The following STXBP5L variants were observed in gnomAD, a reference collection of about 807,000 sequenced individuals.
STXBP5L encodes the protein syntaxin binding protein 5L.
A neutral mutation model predicts 144.5 loss-of-function variants in STXBP5L; 65 were observed. The ratio of observed to expected loss-of-function variants is 0.45; its 90% CI spans 0.37 to 0.55. STXBP5L has a LOEUF of 0.55. STXBP5L is among the 20% of genes least tolerant of loss of function. STXBP5L has a pLI of 0.00. For synonymous variants in STXBP5L, 505 were observed against 469.6 expected (o/e 1.08, Z -0.97); for missense variants, 1,298 against 1,405.5 (o/e 0.92, Z 1.22).
chr3:121,395,618 G>A (rs1175494656), intron 22 of STXBP5L, among the ~76,000 whole-genome samples: 1 of 152,174 alleles, frequency 6.6e-6, no homozygotes, highest in African/African-American at 2.4e-5. Flanking sequence ...GCATCATAGA[G>A]TGATTACATC....
chr3:121,017,866 C>T (rs1576673580), intron 3 of STXBP5L, among the ~76,000 whole-genome samples: 1 of 152,124 alleles, frequency 6.6e-6, no homozygotes, highest in African/African-American at 2.4e-5. Context: ...TTCTTGAGGC[C>T]AGGAGTTCAA....
intron 22 of STXBP5L, among the ~76,000 whole-genome samples, chr3:121,386,338 T>G (rs2046425264): frequency 6.6e-6 from 1 of 152,174 alleles, no homozygotes; most frequent in East Asian, 1.9e-4. Context: ...TCTCAGTCAT[T>G]TTATTTAGGA....
chr3:121,075,236 C>T (rs1370737479), intron 5 of STXBP5L, among the ~76,000 whole-genome samples: 1 of 152,122 alleles, frequency 6.6e-6, no homozygotes, highest in Non-Finnish European at 1.5e-5. Context: ...ATTCATTCCT[C>T]CAGTGTCCCA....
intron 11 of STXBP5L, among the ~76,000 whole-genome samples, chr3:121,230,080 T>G (rs964268694): frequency 4.6e-5 from 7 of 152,208 alleles, no homozygotes; most frequent in African/African-American, 1.7e-4. Flanking sequence ...ACATAAAAAT[T>G]TATAGCTATT....
intron 14 of STXBP5L, among the ~76,000 whole-genome samples, chr3:121,248,930 C>G (rs2049945497): frequency 6.6e-6 from 1 of 151,954 alleles, no homozygotes; most frequent in African/African-American, 2.4e-5. Flanking sequence ...TTGTTTTTGT[C>G]AGCCTTGTCA....
chr3:121,150,065 AT>A (rs2045876293), intron 7 of STXBP5L, among the ~76,000 whole-genome samples: 1 of 151,916 alleles, frequency 6.6e-6, no homozygotes, highest in Admixed American at 6.6e-5. Flanking sequence ...CTACAGATAT[AT>A]TTTTTAGTTT....
At chr3:121,200,669 G>T (rs2048103641) in intron 9 of STXBP5L, among the ~76,000 whole-genome samples, 1 of 151,806 alleles carries the variant, frequency 6.6e-6, no homozygotes, top group Non-Finnish European at 1.5e-5. Flanking sequence ...AGAGATTCTG[G>T]GTTCGTTGTC....
intron 5 of STXBP5L, among the ~76,000 whole-genome samples, chr3:121,084,660 A>G (rs1042607917): frequency 2.6e-5 from 4 of 152,184 alleles, no homozygotes; most frequent in East Asian, 3.8e-4. Context: ...TAGTGCTGCA[A>G]TAAACATATT....
At chr3:121,147,385 A>G (rs561460664) in intron 7 of STXBP5L, among the ~76,000 whole-genome samples, 2 of 152,168 alleles carry the variant, frequency 1.3e-5, no homozygotes, top group Non-Finnish European at 2.9e-5. Context: ...AGAAATCAGT[A>G]TAAAAATTAG....
chr3:121,176,394 A>T (rs1350267561), intron 9 of STXBP5L, among the ~76,000 whole-genome samples: 1 of 151,774 alleles, frequency 6.6e-6, no homozygotes, highest in Non-Finnish European at 1.5e-5. Context: ...AGCAACTGTC[A>T]ATAAAATTAA....
chr3:121,010,105 G>T (rs2108124907), intron 3 of STXBP5L, among the ~76,000 whole-genome samples: 1 of 151,930 alleles, frequency 6.6e-6, no homozygotes, highest in South Asian at 2.1e-4. Context: ...CATTTTTGGA[G>T]AACTCAGACC....
intron 2 of STXBP5L, among the ~76,000 whole-genome samples, chr3:120,914,031 T>C (rs969353754): frequency 3.3e-5 from 5 of 151,904 alleles, no homozygotes; most frequent in African/African-American, 1.2e-4. Flanking sequence ...TTTAGGAACA[T>C]GGTATATGCT....
chr3:121,041,639 C>G (rs1576750385), intron 3 of STXBP5L, 61 bp from the exon 4 acceptor site: 1 of 1,239,934 alleles, frequency 8.1e-7, no homozygotes, highest in East Asian at 2.3e-5. Context: ...AAGTTAGTTT[C>G]TTTGCTCATT....
At chr3:121,134,754 C>T (rs1440858942) in intron 7 of STXBP5L, among the ~76,000 whole-genome samples, 1 of 149,320 alleles carries the variant, frequency 6.7e-6, no homozygotes, top group East Asian at 1.9e-4. Flanking sequence ...TTTATGACTG[C>T]ATAGTATTCC....
rs78563423 is a variant in STXBP5L at position 121,082,160 on chromosome 3, C to T, written c.471-32765C>T. On this transcript the variant is annotated intron_variant, in intron 5 of 26. Coordinates refer to ENST00000471454, the MANE Select transcript of STXBP5L (RefSeq NM_001308330.2). ...TTTTACTTTTCAAAAAAAAATCTTG[C>T]GATAATTTGATAGGAATTACATTAA... Among the ~76,000 whole-genome samples, 113 of 152,066 alleles carry T rather than the reference C, an allele frequency of 7.4e-4. 1 individual carries two copies. Among genetic ancestry groups the T allele is most frequent in the East Asian group, 4.1e-3 (21 of 5,184 alleles).
chr3:120,981,032 C>T (rs1486607329), intron 3 of STXBP5L, among the ~76,000 whole-genome samples: 1 of 152,026 alleles, frequency 6.6e-6, no homozygotes, highest in Non-Finnish European at 1.5e-5. Context: ...AAATAGGAAC[C>T]CAGCATCTTC....
chr3:121,181,470 A>G lies in STXBP5L; in HGVS notation c.877+23843A>G, dbSNP rs932963081. ...ACCAACCGGCTGGGCGCAGTGGCTA[A>G]CGCCTGTAATCCCAGCACTTTGGGA... is the stretch of plus-strand genomic sequence containing the variant. On this transcript the variant is annotated intron_variant, in intron 9 of 26. Transcript: ENST00000471454. Among the ~76,000 whole-genome samples the G allele has an allele frequency of 3.3e-5, 5 of 152,378 alleles. No individual in the cohort carries two copies. In the East Asian group the frequency reaches 9.6e-4, roughly 29 times the overall value.
intron 19 of STXBP5L, among the ~76,000 whole-genome samples, chr3:121,297,543 CA>C (rs1242562200): frequency 1.3e-5 from 2 of 152,160 alleles, no homozygotes; most frequent in Non-Finnish European, 2.9e-5. Flanking sequence ...CACCTGAGGT[CA>C]GGAGGTCCAG....
chr3:121,261,570 C>T (rs968645776), intron 18 of STXBP5L, among the ~76,000 whole-genome samples: 5 of 151,968 alleles, frequency 3.3e-5, no homozygotes, highest in African/African-American at 1.2e-4. Context: ...ATATCATAAC[C>T]AAGTTTGGTT....
Sources: gnomAD v4.1 joint callset for allele counts (sites outside exome capture counted in the v4.1 genomes callset) on GRCh38, gnomAD v4.1.1 for gene constraint, MANE v1.5 for transcripts, NCBI Gene and HGNC (gene_info 2026-07-23, HGNC 2026-07-21) for gene names.